NRXN3: variants seen among roughly 807,000 people sequenced by gnomAD.
NRXN3 encodes the protein neurexin 3.
NRXN3 carries 32 observed loss-of-function variants against 137.6 expected under a neutral mutation model. The ratio of observed to expected loss-of-function variants is 0.23; its 90% CI spans 0.18 to 0.31. The LOEUF is 0.31. NRXN3 is among the 10% of genes least tolerant of loss of function. The probability of loss-of-function intolerance (pLI) is 1.00; values close to 1 mark genes in which losing one functional copy is unlikely to be tolerated. For missense variants in NRXN3, 1,574 were observed against 2,062.5 expected, an observed-to-expected ratio of 0.76 and a Z score of 4.59; for synonymous variants, 798 against 784.5, an observed-to-expected ratio of 1.02 and a Z score of -0.29.
At chr14:78,377,922 G>C (rs11845505) in intron 4 of NRXN3, among the ~76,000 whole-genome samples, 149,111 of 152,334 alleles carry the variant, frequency 0.98, 73,028 homozygotes, top group Non-Finnish European at 1. Flanking sequence ...CCAACTAATA[G>C]GAACTAATTG....
At chr14:79,718,644 C>T (rs2098831773) in intron 19 of NRXN3, among the ~76,000 whole-genome samples, 1 of 152,014 alleles carries the variant, frequency 6.6e-6, no homozygotes, top group Non-Finnish European at 1.5e-5. Context: ...TTGATGGCCT[C>T]ACCCTGCATC....
At chr14:79,172,475 A>G (rs559601450) in intron 15 of NRXN3, among the ~76,000 whole-genome samples, 2 of 152,210 alleles carry the variant, frequency 1.3e-5, no homozygotes, top group Non-Finnish European at 2.9e-5. Context: ...AAAAGGAAGG[A>G]AGGAAGGAAA....
chr14:78,188,512 T>C (rs1430723539), intron 1 of NRXN3, among the ~76,000 whole-genome samples: 1 of 152,162 alleles, frequency 6.6e-6, no homozygotes, highest in Non-Finnish European at 1.5e-5. Context: ...GACAACCACT[T>C]TGGGGTCAGA....
chr14:78,755,708 T>TTC (rs1195892457), intron 8 of NRXN3, among the ~76,000 whole-genome samples: 1 of 152,150 alleles, frequency 6.6e-6, no homozygotes, highest in Non-Finnish European at 1.5e-5. Flanking sequence ...TGAGGAAAGG[T>TTC]ACTTAGTAGC....
At chr14:78,563,594 C>T (rs2370825) in intron 4 of NRXN3, among the ~76,000 whole-genome samples, 9,049 of 152,166 alleles carry the variant, frequency 0.059, 411 homozygotes, top group African/African-American at 0.13. Context: ...TATGTTTCTG[C>T]GACAGTGGCA....
chr14:78,228,160 T>TC (rs1436509846), intron 1 of NRXN3, among the ~76,000 whole-genome samples: 3 of 148,476 alleles, frequency 2.0e-5, no homozygotes, highest in African/African-American at 2.5e-5. Context: ...TTTCTTTCTT[T>TC]TTTTTTTTTT....
chr14:79,095,468 CTTCA>C (rs1050946317), intron 15 of NRXN3, among the ~76,000 whole-genome samples: 4 of 151,988 alleles, frequency 2.6e-5, no homozygotes, highest in Admixed American at 6.6e-5. Flanking sequence ...TATCAAGGAA[CTTCA>C]TTCATTCATT....
chr14:78,212,865 A>G (rs1307164607), intron 1 of NRXN3, among the ~76,000 whole-genome samples: 1 of 152,192 alleles, frequency 6.6e-6, no homozygotes, highest in South Asian at 2.1e-4. Context: ...GAAATCTTAC[A>G]TAGAATCTCA....
intron 19 of NRXN3, among the ~76,000 whole-genome samples, chr14:79,763,411 T>TCTATA (rs1568158531): frequency 6.6e-6 from 1 of 150,836 alleles, no homozygotes; most frequent in African/African-American, 2.5e-5. Flanking sequence ...TTATAATCCT[T>TCTATA]TGGGTATACA....
intron 15 of NRXN3, among the ~76,000 whole-genome samples, chr14:79,113,656 CTA>C (rs1444376599): frequency 6.6e-6 from 1 of 152,168 alleles, no homozygotes; most frequent in East Asian, 1.9e-4. Flanking sequence ...TTTTTTCCCC[CTA>C]TGTCACTACT....
intron 4 of NRXN3, among the ~76,000 whole-genome samples, chr14:78,560,237 T>C (rs958268131): frequency 3.3e-5 from 5 of 152,216 alleles, no homozygotes; most frequent in African/African-American, 1.2e-4. Flanking sequence ...TATATGAAAC[T>C]GCTCTGGTAA....
intron 4 of NRXN3, among the ~76,000 whole-genome samples, chr14:78,465,812 C>T (rs905873234): frequency 4.8e-5 from 7 of 145,692 alleles, no homozygotes; most frequent in Non-Finnish European, 1.0e-4. Flanking sequence ...GGATTACAGG[C>T]GTGAGCCACC....
chr14:79,428,828 C>T (rs2095698384), intron 15 of NRXN3, among the ~76,000 whole-genome samples: 1 of 152,076 alleles, frequency 6.6e-6, no homozygotes. Context: ...TCTATAAAAT[C>T]CTGTATTAAA....
intron 4 of NRXN3, among the ~76,000 whole-genome samples, chr14:78,622,318 T>G (rs574785843): frequency 4.0e-4 from 61 of 152,350 alleles, no homozygotes; most frequent in African/African-American, 1.3e-3. Context: ...GAAAAGGTAC[T>G]TTGGTATATC....
rs558451431 is a variant in NRXN3 at position 78,598,481 on chromosome 14, G to T, written c.758-46639G>T. 2.0e-5 allele frequency among the ~76,000 whole-genome samples: 3 copies of T among 152,334 alleles called. No individual in the cohort carries two copies. In the East Asian group the frequency reaches 5.8e-4, roughly 29 times the overall value. ...CTAGAGTAACCCTGTACCAGCTGCA[G>T]CGCTGGGACGCTCCTGCCTCTTCTG... On this transcript the variant is annotated intron_variant, in intron 4 of 20. Coordinates refer to ENST00000335750, the MANE Select transcript of NRXN3 (RefSeq NM_001330195.2).
intron 16 of NRXN3, among the ~76,000 whole-genome samples, chr14:79,536,413 G>A (rs1197338429): frequency 6.7e-6 from 1 of 149,232 alleles, no homozygotes; most frequent in African/African-American, 2.5e-5. Context: ...ATTTACATCT[G>A]GTCACAACAT....
intron 15 of NRXN3, among the ~76,000 whole-genome samples, chr14:79,117,161 G>GA (rs1244439856): frequency 3.9e-5 from 6 of 152,216 alleles, no homozygotes; most frequent in Non-Finnish European, 5.9e-5. Context: ...ATATTTGTCA[G>GA]AAAGCAGTCA....
At chr14:79,290,503 G>A (rs1182877583) in intron 15 of NRXN3, among the ~76,000 whole-genome samples, 2 of 152,072 alleles carry the variant, frequency 1.3e-5, no homozygotes, top group African/African-American at 2.4e-5. Flanking sequence ...AAAGTGACAT[G>A]AGCATTTTCA....
At chr14:78,342,059 A>G (rs1181159886) in intron 4 of NRXN3, among the ~76,000 whole-genome samples, 1 of 152,202 alleles carries the variant, frequency 6.6e-6, no homozygotes, top group Non-Finnish European at 1.5e-5. Context: ...ATGTTGCTTT[A>G]TCAACTGTCC....
Sources: allele counts gnomAD v4.1 joint callset (sites outside exome capture counted in the v4.1 genomes callset), GRCh38; gene constraint gnomAD v4.1.1; transcripts MANE v1.5; gene names NCBI Gene and HGNC (gene_info 2026-07-23, HGNC 2026-07-21).